The following PLCB4 variants were observed in gnomAD, a reference collection of about 807,000 sequenced individuals.
The protein encoded by PLCB4 is 1-phosphatidylinositol 4,5-bisphosphate phosphodiesterase beta-4.
PLCB4 carries 77 observed loss-of-function variants against 178.8 expected under a neutral mutation model. That is an observed-to-expected ratio of 0.43 (90% CI 0.36 to 0.52). The LOEUF is 0.52. PLCB4 is among the 20% of genes least tolerant of loss of function. PLCB4 has a pLI of 0.00. For synonymous variants in PLCB4, 496 were observed against 490.8 expected (o/e 1.01, Z -0.14); for missense variants, 1,024 against 1,453.4 (o/e 0.70, Z 4.80).
At chr20:9,231,602 A>T (rs1166506539) in intron 3 of PLCB4, among the ~76,000 whole-genome samples, 1 of 152,104 alleles carries the variant, frequency 6.6e-6, no homozygotes, top group Non-Finnish European at 1.5e-5. Context: ...TTCTATGGAG[A>T]TGGGGAAGAA....
intron 3 of PLCB4, among the ~76,000 whole-genome samples, chr20:9,231,588 G>A (rs1205017297): frequency 1.3e-5 from 2 of 152,094 alleles, no homozygotes; most frequent in Non-Finnish European, 2.9e-5. Context: ...ATAGTGCACC[G>A]AATTTCTATG....
chr20:9,456,134 C>T (rs1395245243), intron 33 of PLCB4, among the ~76,000 whole-genome samples: 5 of 152,314 alleles, frequency 3.3e-5, no homozygotes, highest in African/African-American at 1.2e-4. Flanking sequence ...CTGCACCCAG[C>T]CTTCCTGGAC....
intron 2 of PLCB4, among the ~76,000 whole-genome samples, chr20:9,195,245 T>C (rs1033408001): frequency 6.6e-6 from 1 of 152,038 alleles, no homozygotes; most frequent in African/African-American, 2.4e-5. Flanking sequence ...TCACCTGGAG[T>C]TGGTGTTAAA....
intron 2 of PLCB4, among the ~76,000 whole-genome samples, chr20:9,127,682 CT>C (rs199919407): frequency 0.3 from 40,735 of 136,914 alleles, 5,932 homozygotes; most frequent in Non-Finnish European, 0.35. Flanking sequence ...ATCTATCTAT[CT>C]ATCCATCCAT....
intron 33 of PLCB4, among the ~76,000 whole-genome samples, chr20:9,455,969 G>A (rs2043032150): frequency 6.6e-6 from 1 of 152,178 alleles, no homozygotes; most frequent in South Asian, 2.1e-4. Flanking sequence ...CTGAGTAGCT[G>A]AGACTACAGG....
intron 2 of PLCB4, among the ~76,000 whole-genome samples, chr20:9,163,539 G>GTT (rs145119768): frequency 6.8e-6 from 1 of 147,148 alleles, no homozygotes; most frequent in East Asian, 2.0e-4. Context: ...TATCCTCCAT[G>GTT]TTTTTTTTTT....
At chr20:9,263,583 G>A (rs2094319821) in intron 3 of PLCB4, among the ~76,000 whole-genome samples, 1 of 152,152 alleles carries the variant, frequency 6.6e-6, no homozygotes. Flanking sequence ...TAATTAGATG[G>A]AGGAGAGAAT....
At chr20:9,104,313 A>G (rs993330104) in intron 2 of PLCB4, among the ~76,000 whole-genome samples, 2 of 152,142 alleles carry the variant, frequency 1.3e-5, no homozygotes, top group Non-Finnish European at 2.9e-5. Context: ...TAGAAGTAAA[A>G]GTTGTCACTT....
At chr20:9,412,842 G>C (rs563667035) in intron 25 of PLCB4, among the ~76,000 whole-genome samples, 1 of 152,156 alleles carries the variant, frequency 6.6e-6, no homozygotes, top group Non-Finnish European at 1.5e-5. Context: ...TTGGGGTAAG[G>C]GTTGAGCCCT....
At chr20:9,459,331 C>T (rs1211183586) in intron 34 of PLCB4, among the ~76,000 whole-genome samples, 1 of 151,646 alleles carries the variant, frequency 6.6e-6, no homozygotes, top group Non-Finnish European at 1.5e-5. Context: ...GCAACAGAGG[C>T]AGACTCTATC....
chr20:9,329,215 C>A (rs1179178109), intron 4 of PLCB4, among the ~76,000 whole-genome samples: 3 of 152,178 alleles, frequency 2.0e-5, no homozygotes, highest in Non-Finnish European at 4.4e-5. Flanking sequence ...GTACAAGCTT[C>A]CAGCTTGTTT....
At chr20:9,188,701 T>C in intron 2 of PLCB4, among the ~76,000 whole-genome samples, 1 of 139,784 alleles carries the variant, frequency 7.2e-6, no homozygotes, top group Admixed American at 7.0e-5. Context: ...GTGTTCATTG[T>C]GGAGGGCTGT....
intron 2 of PLCB4, 146 bp from the exon 3 acceptor site, chr20:9,217,244 G>C (rs1392891445): frequency 6.6e-6 from 1 of 152,136 alleles, no homozygotes; most frequent in Non-Finnish European, 1.5e-5. Context: ...TCATTTGTTT[G>C]CAACTTATGC....
intron 27 of PLCB4, 82 bp from the exon 28 acceptor site, chr20:9,423,664 CAT>C: frequency 1.0e-6 from 1 of 991,870 alleles, no homozygotes; most frequent in Non-Finnish European, 1.6e-6. Flanking sequence ...TTAAGAACAG[CAT>C]GGATTTGGTC....
At chr20:9,465,036 A>G (rs555472944) in intron 35 of PLCB4, among the ~76,000 whole-genome samples, 3 of 152,338 alleles carry the variant, frequency 2.0e-5, no homozygotes, top group East Asian at 1.9e-4. Flanking sequence ...ATCCTCAATA[A>G]GATAAATACT....
intron 7 of PLCB4, among the ~76,000 whole-genome samples, 191 bp from the exon 8 acceptor site, chr20:9,362,705 A>C (rs761217869): frequency 7.9e-5 from 12 of 152,234 alleles, no homozygotes; most frequent in Non-Finnish European, 1.8e-4. Flanking sequence ...GTCTTCATGG[A>C]AAGAATGAAA....
chr20:9,233,613 G>A (rs2093958736), intron 3 of PLCB4, among the ~76,000 whole-genome samples: 1 of 152,130 alleles, frequency 6.6e-6, no homozygotes. Context: ...TGATGAGAAA[G>A]AGCCAGGAAT....
chr20:9,198,109 A>T (rs903598228), intron 2 of PLCB4, among the ~76,000 whole-genome samples: 2 of 152,268 alleles, frequency 1.3e-5, no homozygotes, highest in Non-Finnish European at 2.9e-5. Flanking sequence ...TCCTGTGGTA[A>T]ACATGTTAGG....
chr20:9,210,165 C>G (rs1186075151), intron 2 of PLCB4, among the ~76,000 whole-genome samples: 1 of 152,006 alleles, frequency 6.6e-6, no homozygotes, highest in African/African-American at 2.4e-5. Context: ...AAAGCCATTA[C>G]CATTATTTAG....
Sources: gnomAD v4.1 joint callset for allele counts (sites outside exome capture counted in the v4.1 genomes callset) on GRCh38, gnomAD v4.1.1 for gene constraint, MANE v1.5 for transcripts, NCBI Gene and HGNC (gene_info 2026-07-23, HGNC 2026-07-21) for gene names.